Variants in C11orf65 observed in about 807,000 individuals in gnomAD.
C11orf65 encodes the protein protein MFI.
In C11orf65, 38 loss-of-function variants were observed where a neutral mutation model predicts 35.3. The ratio of observed to expected loss-of-function variants is 1.08; its 90% CI spans 0.83 to 1.41. C11orf65 has a LOEUF of 1.41. Among genes scored for constraint, C11orf65 ranks in the 40% most tolerant of loss-of-function variants. C11orf65 has a pLI of 0.00. For missense variants in C11orf65, 370 were observed against 367.1 expected, an observed-to-expected ratio of 1.01 and a Z score of -0.06; for synonymous variants, 105 against 114.4, an observed-to-expected ratio of 0.92 and a Z score of 0.53.
At chr11:108,422,841 C>T (rs903512569) in intron 3 of C11orf65, among the ~76,000 whole-genome samples, 2 of 150,130 alleles carry the variant, frequency 1.3e-5, no homozygotes, top group African/African-American at 4.9e-5. Flanking sequence ...AAGATCGCAC[C>T]ATGGGACTCC....
chr11:108,361,067 T>G (rs2090684108), intron 2 of C11orf65, among the ~76,000 whole-genome samples: 1 of 129,160 alleles, frequency 7.7e-6, no homozygotes, highest in African/African-American at 3.0e-5. Flanking sequence ...CAGCCCAAAA[T>G]CTCCTTAAGC....
chr11:108,379,385 C>A (rs535642586), downstream of C11orf65, among the ~76,000 whole-genome samples: 1 of 150,018 alleles, frequency 6.7e-6, no homozygotes, highest in Non-Finnish European at 1.5e-5. Flanking sequence ...GACAAAAAAC[C>A]AAACACCGCA....
intron 3 of C11orf65, among the ~76,000 whole-genome samples, chr11:108,423,173 C>A (rs2092845130): frequency 6.6e-6 from 1 of 152,104 alleles, no homozygotes; most frequent in Non-Finnish European, 1.5e-5. Context: ...TGGGCAGACA[C>A]CAAGCTAGCT....
chr11:108,311,742 G>C (rs2084181341), intron 6 of C11orf65, among the ~76,000 whole-genome samples: 2 of 151,974 alleles, frequency 1.3e-5, no homozygotes, highest in South Asian at 4.2e-4. Context: ...ATGTATATAG[G>C]TAAATATTAG....
Position 108,353,806 on chromosome 11 carries a change from G to A in C11orf65, c.227-18514C>T, listed in dbSNP as rs1349488841. ...AGGGCAAAATCCTTCCTACTCCTGA[G>A]ACAGTTCCTTTTAGACTCACCAGAG... On this transcript the variant is annotated intron_variant, in intron 2 of 3. Transcript: ENST00000524755. 9 of 1,614,078 alleles carry A rather than the reference G, an allele frequency of 5.6e-6. No homozygotes were observed. Among genetic ancestry groups the A allele is most frequent in the South Asian group, 5.5e-5 (5 of 91,078 alleles).
intron 2 of C11orf65, among the ~76,000 whole-genome samples, chr11:108,453,772 A>G (rs967267985): frequency 5.3e-5 from 8 of 152,196 alleles, no homozygotes; most frequent in Non-Finnish European, 1.0e-4. Flanking sequence ...TCACTTGATC[A>G]TTATTTTAAT....
chr11:108,432,987 G>A (rs2093010799), intron 2 of C11orf65, among the ~76,000 whole-genome samples: 1 of 152,014 alleles, frequency 6.6e-6, no homozygotes, highest in Non-Finnish European at 1.5e-5. Flanking sequence ...GTCTTGGTTG[G>A]ACTCATACAT....
chr11:108,462,611 A>C (rs930608159), intron 1 of C11orf65: 3 of 152,214 alleles, frequency 2.0e-5, no homozygotes, highest in Admixed American at 1.3e-4. Flanking sequence ...CATCCACAAA[A>C]TTGCGCAGGT....
At chr11:108,342,671 C>T (rs769875148) in intron 2 of C11orf65, among the ~76,000 whole-genome samples, 2 of 152,142 alleles carry the variant, frequency 1.3e-5, no homozygotes, top group East Asian at 3.9e-4. Flanking sequence ...ATTTTCTATA[C>T]TTTATGTATG....
chr11:108,316,989 A>T (rs908396177), intron 6 of C11orf65, among the ~76,000 whole-genome samples: 1 of 151,454 alleles, frequency 6.6e-6, no homozygotes, highest in Non-Finnish European at 1.5e-5. Context: ...GCTGGAGTGC[A>T]TTAGCGTGAT....
At chr11:108,445,145 G>A (rs1184904999) in intron 2 of C11orf65, among the ~76,000 whole-genome samples, 3 of 152,158 alleles carry the variant, frequency 2.0e-5, no homozygotes, top group African/African-American at 7.2e-5. Context: ...GCTCAAGGAG[G>A]CCTGCCTGCC....
intron 3 of C11orf65, among the ~76,000 whole-genome samples, chr11:108,428,072 A>G (rs922570279): frequency 5.9e-5 from 9 of 151,458 alleles, no homozygotes; most frequent in African/African-American, 1.9e-4. Flanking sequence ...CTCGTGATCC[A>G]CCCGCCTCGG....
At chr11:108,327,572 C>A, downstream of C11orf65, 1 of 1,258,240 alleles carries the variant, frequency 7.9e-7, no homozygotes, top group Non-Finnish European at 1.1e-6. Context: ...TGCTTTTTTC[C>A]CCGTACATGA....
At position 108,415,971 on chromosome 11, in the gene C11orf65, T is replaced by G. The variant is rs80337662; in HGVS notation, c.175-8822A>C. ...CTTACACCTTTCACAAAACAGTAAC[T>G]AAAACTGGATCATAACTTAAATGTA... On this transcript the variant is annotated intron_variant, in intron 3 of 8. Coordinates refer to ENST00000393084, the MANE Select transcript of C11orf65 (RefSeq NM_152587.5). Among the ~76,000 whole-genome samples the G allele has an allele frequency of 8.1e-3, 1,225 of 152,098 alleles. 26 individuals are homozygous for G. Among genetic ancestry groups the G allele is most frequent in the African/African-American group, 0.028 (1,164 of 41,478 alleles).
upstream of C11orf65, among the ~76,000 whole-genome samples, chr11:108,467,684 A>G (rs761691431): frequency 1.1e-4 from 17 of 152,160 alleles, no homozygotes; most frequent in Non-Finnish European, 1.6e-4. Context: ...TTCGATTGTC[A>G]GTGGCTTTGA....
intron 2 of C11orf65, among the ~76,000 whole-genome samples, chr11:108,371,020 T>G (rs1171098234): frequency 6.6e-6 from 1 of 152,140 alleles, no homozygotes; most frequent in Admixed American, 6.5e-5. Context: ...AATTAAAGCT[T>G]AGCAATCAAC....
At chr11:108,428,803 A>G (rs1356529180) in intron 3 of C11orf65, among the ~76,000 whole-genome samples, 3 of 152,178 alleles carry the variant, frequency 2.0e-5, no homozygotes, top group Non-Finnish European at 4.4e-5. Flanking sequence ...CCAGAACTTA[A>G]AGTATTAAAA....
At chr11:108,375,153 C>T (rs1186568830) in intron 2 of C11orf65, among the ~76,000 whole-genome samples, 2 of 151,900 alleles carry the variant, frequency 1.3e-5, no homozygotes, top group Admixed American at 6.6e-5. Flanking sequence ...AAAGATACTC[C>T]TCGAGAAGAG....
chr11:108,432,194 G>T (rs1291759188), intron 2 of C11orf65, among the ~76,000 whole-genome samples: 4 of 152,136 alleles, frequency 2.6e-5, no homozygotes, highest in African/African-American at 9.7e-5. Flanking sequence ...TCTTGTCTGG[G>T]TTCAGCTGTT....
Sources: allele counts gnomAD v4.1 joint callset (sites outside exome capture counted in the v4.1 genomes callset), GRCh38; gene constraint gnomAD v4.1.1; transcripts MANE v1.5; gene names NCBI Gene and HGNC (gene_info 2026-07-23, HGNC 2026-07-21).